Variants in GHR observed in about 807,000 individuals in gnomAD.
GHR encodes the protein GH receptor.
A neutral mutation model predicts 67.1 loss-of-function variants in GHR; 35 were observed. The ratio of observed to expected loss-of-function variants is 0.52; its 90% confidence interval spans 0.40 to 0.69. The LOEUF is 0.69. Among genes scored for constraint, GHR ranks in the 30% least tolerant of loss-of-function variants. The pLI is 0.00. For synonymous variants in GHR, 272 were observed against 269.1 expected, an observed-to-expected ratio of 1.01 and a Z score of -0.10; for missense variants, 792 against 764.6, an observed-to-expected ratio of 1.04 and a Z score of -0.42.
chr5:42,527,943 G>A (rs1015108072), intron 1 of GHR, among the ~76,000 whole-genome samples: 2 of 152,080 alleles, frequency 1.3e-5, no homozygotes, highest in Non-Finnish European at 2.9e-5. Flanking sequence ...TAGTACACCT[G>A]TTTACAGTAT....
chr5:42,719,566 A>G lies in GHR; in HGVS notation c.*142A>G, dbSNP rs1016910364. 2.6e-6 allele frequency: 2 copies of G among 758,152 alleles called. No homozygotes were observed. Among genetic ancestry groups the G allele is most frequent in the African/African-American group, 1.7e-5 (1 of 58,262 alleles). The allele number at this position is 758,152 out of a possible 1,614,324, so 47.0% of individuals were successfully genotyped here. ...GGATTCTAAAATGCCTTTTCCCAAA[A>G]TGTTGAAATATGATGTTAAAAAAAT... On this transcript the variant is annotated 3_prime_UTR_variant, in exon 10 of 10. Transcript: ENST00000230882.
At chr5:42,496,181 C>T (rs922254631) in intron 1 of GHR, among the ~76,000 whole-genome samples, 1 of 152,162 alleles carries the variant, frequency 6.6e-6, no homozygotes, top group Non-Finnish European at 1.5e-5. Flanking sequence ...TGAAGAGACA[C>T]TTTATGTTGG....
At chr5:42,481,361 G>A (rs1745626317) in intron 1 of GHR, among the ~76,000 whole-genome samples, 1 of 152,154 alleles carries the variant, frequency 6.6e-6, no homozygotes, top group South Asian at 2.1e-4. Context: ...TGCCAATTAT[G>A]TGTCTTGGAG....
At chr5:42,435,823 A>T (rs905411965) in intron 1 of GHR, among the ~76,000 whole-genome samples, 4 of 152,220 alleles carry the variant, frequency 2.6e-5, no homozygotes, top group African/African-American at 9.6e-5. Flanking sequence ...CTCATGTGTT[A>T]AACTTACCGG....
At chr5:42,659,295 T>C (rs1755433780) in intron 3 of GHR, 1 of 152,170 alleles carries the variant, frequency 6.6e-6, no homozygotes, top group Admixed American at 6.5e-5. Flanking sequence ...TCAAAGACTG[T>C]GTTCTTTCTG....
At chr5:42,704,319 GT>G (rs1373565916) in intron 6 of GHR, among the ~76,000 whole-genome samples, 1 of 151,608 alleles carries the variant, frequency 6.6e-6, no homozygotes, top group East Asian at 1.9e-4. Flanking sequence ...TGGTTCCATG[GT>G]TTTCGTCTCG....
At chr5:42,648,140 G>C (rs73751228) in intron 3 of GHR, among the ~76,000 whole-genome samples, 1,642 of 152,272 alleles carry the variant, frequency 0.011, 35 homozygotes, top group African/African-American at 0.038. Context: ...TGTACCTCTT[G>C]AAGCCTGTTT....
At chr5:42,532,557 T>A (rs1383995659) in intron 1 of GHR, among the ~76,000 whole-genome samples, 1 of 152,204 alleles carries the variant, frequency 6.6e-6, no homozygotes, top group Non-Finnish European at 1.5e-5. Flanking sequence ...CATTATTTTC[T>A]CTGCCACCCC....
rs528094201 is a variant in GHR at position 42,613,176 on chromosome 5, T to C, written c.71-15862T>C. 2.8e-4 allele frequency among the ~76,000 whole-genome samples: 43 copies of C among 152,274 alleles called. No homozygotes were observed. In the Middle Eastern group the frequency reaches 0.017, roughly 60 times the overall value. ...CCACTTCAAGGACTTTTGTAATCCA[T>C]ATAGCTTTCCTAAGCTGTTCTAACT... is the stretch of plus-strand genomic sequence containing the variant. On this transcript the variant is annotated intron_variant, in intron 2 of 9. Coordinates refer to ENST00000230882, the MANE Select transcript of GHR (RefSeq NM_000163.5).
chr5:42,530,110 G>A (rs952617550), intron 1 of GHR, among the ~76,000 whole-genome samples: 3 of 143,096 alleles, frequency 2.1e-5, no homozygotes, highest in African/African-American at 7.8e-5. Flanking sequence ...ATGACATGAT[G>A]ATTTGATATA....
intron 1 of GHR, among the ~76,000 whole-genome samples, chr5:42,475,426 TTATGGTCA>T (rs1745259461): frequency 8.1e-6 from 1 of 123,606 alleles, no homozygotes; most frequent in Non-Finnish European, 1.8e-5. Context: ...TAATGTGTTA[TTATGGTCA>T]TTTTTTTTAT....
chr5:42,630,461 C>A (rs1753882403), intron 3 of GHR, among the ~76,000 whole-genome samples: 1 of 131,930 alleles, frequency 7.6e-6, no homozygotes, highest in African/African-American at 3.2e-5. Context: ...GACTAAATTG[C>A]AGAATTAATT....
At chr5:42,548,035 C>T (rs1053112923) in intron 1 of GHR, 8 of 965,906 alleles carry the variant, frequency 8.3e-6, no homozygotes, top group Admixed American at 6.1e-5. Flanking sequence ...TGAGTTCTAA[C>T]GCTTAGCCCT....
chr5:42,455,698 T>G (rs562056076), intron 1 of GHR, among the ~76,000 whole-genome samples: 22 of 152,288 alleles, frequency 1.4e-4, no homozygotes, highest in African/African-American at 5.3e-4. Context: ...AAATCTTACA[T>G]GATGGTCACT....
chr5:42,449,986 A>C (rs543291817), intron 1 of GHR, among the ~76,000 whole-genome samples: 10 of 152,082 alleles, frequency 6.6e-5, no homozygotes, highest in Non-Finnish European at 1.3e-4. Context: ...CTATATCCCT[A>C]GTATGAAACC....
intron 2 of GHR, among the ~76,000 whole-genome samples, chr5:42,594,711 T>C (rs1408010517): frequency 2.0e-5 from 3 of 152,164 alleles, no homozygotes; most frequent in Non-Finnish European, 4.4e-5. Flanking sequence ...ACTTTTTCTT[T>C]TTTTTGTCTT....
intron 1 of GHR, chr5:42,467,554 G>GT: frequency 2.0e-6 from 3 of 1,510,724 alleles, no homozygotes; most frequent in Non-Finnish European, 2.7e-6. Flanking sequence ...ACGCCTAAAG[G>GT]TTTTTTCTAA....
At chr5:42,502,567 A>G (rs1331209531) in intron 1 of GHR, among the ~76,000 whole-genome samples, 1 of 151,984 alleles carries the variant, frequency 6.6e-6, no homozygotes, top group Non-Finnish European at 1.5e-5. Flanking sequence ...AATGGCTTAA[A>G]TAAGTGATTT....
At chr5:42,565,370 C>T (rs1193089227) in intron 1 of GHR, 6 of 741,504 alleles carry the variant, frequency 8.1e-6, no homozygotes, top group African/African-American at 7.6e-5. Context: ...ATTAGCAACT[C>T]GTTTTGAGTG....
Sources: allele counts gnomAD v4.1 joint callset (sites outside exome capture counted in the v4.1 genomes callset), GRCh38; gene constraint gnomAD v4.1.1; transcripts MANE v1.5; gene names NCBI Gene and HGNC (gene_info 2026-07-23, HGNC 2026-07-21).